ARHGEF3: variants seen among roughly 807,000 people sequenced by gnomAD.
ARHGEF3 encodes the protein 59.8 kDA protein.
Under a neutral mutation model 63.2 loss-of-function variants are expected in ARHGEF3, and 28 were observed. That is an observed-to-expected ratio of 0.44 (90% CI 0.33 to 0.61). ARHGEF3 has a LOEUF of 0.61. Ranked by LOEUF, ARHGEF3 falls within the 20% of genes least tolerant of loss-of-function variation. The pLI, the probability that ARHGEF3 is intolerant of heterozygous loss-of-function variation, is 0.03. For missense variants in ARHGEF3, 533 were observed against 659.3 expected (o/e 0.81, Z 2.10); for synonymous variants, 266 against 254.2 (o/e 1.05, Z -0.44).
At chr3:56,913,328 T>C (rs529020335) in intron 3 of ARHGEF3, among the ~76,000 whole-genome samples, 1 of 152,192 alleles carries the variant, frequency 6.6e-6, no homozygotes, top group East Asian at 1.9e-4. Context: ...GCAACCCAAT[T>C]CGAAAGTGAG....
intron 1 of ARHGEF3, among the ~76,000 whole-genome samples, chr3:56,799,018 AATAG>A (rs1223422931): frequency 6.6e-6 from 1 of 152,248 alleles, no homozygotes; most frequent in Non-Finnish European, 1.5e-5. Context: ...AAAAGCTTAA[AATAG>A]ATCTTTTAAA....
chr3:56,821,507 A>G (rs1013352028), intron 4 of ARHGEF3, among the ~76,000 whole-genome samples: 7 of 152,200 alleles, frequency 4.6e-5, no homozygotes, highest in Non-Finnish European at 1.0e-4. Flanking sequence ...AAAAATTATC[A>G]TTTTTGGTTG....
In ARHGEF3 at chr3:56,824,003, A is replaced by C. The variant is rs867119706; in HGVS notation, c.193-50187T>G. ...GAGGAAAGGAAAAAAAAAAAAAAAA[A>C]AACAGAACGAGCCAGATGGACGAGA... On this transcript the variant is annotated intron_variant, in intron 4 of 12. Transcript: ENST00000338458. 6.9e-3 allele frequency among the ~76,000 whole-genome samples: 1,008 copies of C among 146,924 alleles called. 6 individuals are homozygous for C. The highest frequency in any genetic ancestry group is 0.021 in the Middle Eastern group (6 of 282).
At chr3:56,944,654 G>A (rs1699382890) in intron 3 of ARHGEF3, among the ~76,000 whole-genome samples, 1 of 143,376 alleles carries the variant, frequency 7.0e-6, no homozygotes, top group Non-Finnish European at 1.5e-5. Context: ...TCAGGGCACT[G>A]CAACCTCTGC....
In ARHGEF3 at chr3:57,011,610, A is replaced by G. The variant is rs137988567; in HGVS notation, c.62+23478T>C. Among the ~76,000 whole-genome samples the G allele has an allele frequency of 8.5e-5, 13 of 152,278 alleles. No homozygotes were observed. In the East Asian group the frequency reaches 2.1e-3, roughly 25 times the overall value. The stretch of plus-strand genomic sequence containing the variant: ...AAGAATTCTCCAACCCAAGGATTCA[A>G]TAGTGTCAAGGTTGAGAAATCCTAA... On this transcript the variant is annotated intron_variant, in intron 2 of 12. Coordinates refer to the ARHGEF3 transcript ENST00000338458.
intron 4 of ARHGEF3, among the ~76,000 whole-genome samples, chr3:56,822,803 G>A (rs570998751): frequency 1.3e-5 from 2 of 150,112 alleles, no homozygotes; most frequent in African/African-American, 2.5e-5. Flanking sequence ...GCAGTGAGCC[G>A]AGGTCATGCC....
At chr3:56,904,933 C>A (rs1196600621) in intron 3 of ARHGEF3, among the ~76,000 whole-genome samples, 1 of 152,230 alleles carries the variant, frequency 6.6e-6, no homozygotes, top group Non-Finnish European at 1.5e-5. Flanking sequence ...CCTCTCCCAT[C>A]TAGCTAGTCA....
chr3:56,774,123 G>A (rs2036162690), intron 1 of ARHGEF3, among the ~76,000 whole-genome samples: 1 of 152,124 alleles, frequency 6.6e-6, no homozygotes, highest in African/African-American at 2.4e-5. Flanking sequence ...CCACTTAGTA[G>A]AACCAGTCTC....
At chr3:56,817,749 A>ATAGCCATGCCAGAACTTACT (rs2038325245) in intron 4 of ARHGEF3, among the ~76,000 whole-genome samples, 1 of 152,210 alleles carries the variant, frequency 6.6e-6, no homozygotes, top group African/African-American at 2.4e-5. Flanking sequence ...CAGCTACTAA[A>ATAGCCATGCCAGAACTTACT]TAGCCATGCC....
chr3:57,027,119 A>T (rs1703510274), intron 2 of ARHGEF3, among the ~76,000 whole-genome samples: 1 of 152,342 alleles, frequency 6.6e-6, no homozygotes, highest in South Asian at 2.1e-4. Flanking sequence ...CGTGCTAGAC[A>T]TTGGCCAGAT....
At chr3:56,955,194 T>C (rs200004043) in intron 3 of ARHGEF3, among the ~76,000 whole-genome samples, 1 of 148,086 alleles carries the variant, frequency 6.8e-6, no homozygotes, top group African/African-American at 2.5e-5. Context: ...TTTTTTTTTT[T>C]TCTTTTCTTT....
chr3:57,072,090 G>A (rs1464645091), intron 1 of ARHGEF3, among the ~76,000 whole-genome samples: 1 of 151,942 alleles, frequency 6.6e-6, no homozygotes, highest in African/African-American at 2.4e-5. Flanking sequence ...TACCCACTTA[G>A]GATGGCAATA....
intron 3 of ARHGEF3, among the ~76,000 whole-genome samples, chr3:56,906,981 T>A (rs1290395019): frequency 6.9e-6 from 1 of 144,976 alleles, no homozygotes; most frequent in Admixed American, 6.8e-5. Flanking sequence ...TTCTATTTTT[T>A]TTTTTTTTTT....
chr3:56,818,918 C>T (rs1020458470), intron 4 of ARHGEF3, among the ~76,000 whole-genome samples: 8 of 151,954 alleles, frequency 5.3e-5, no homozygotes, highest in African/African-American at 1.2e-4. Context: ...AAGAAGGTAA[C>T]GAAAAAAACT....
chr3:56,862,116 A>G (rs1432471639), intron 4 of ARHGEF3, among the ~76,000 whole-genome samples: 1 of 128,240 alleles, frequency 7.8e-6, no homozygotes, highest in East Asian at 2.5e-4. Context: ...CTCCCCACCC[A>G]CCCACCTTTT....
intron 2 of ARHGEF3, among the ~76,000 whole-genome samples, chr3:57,004,971 A>AATATATAT (rs142618755): frequency 9.5e-4 from 141 of 148,126 alleles, no homozygotes; most frequent in African/African-American, 3.4e-3. Flanking sequence ...AAAATAAATA[A>AATATATAT]ATATATATAT....
chr3:56,975,710 A>G (rs546579126), intron 2 of ARHGEF3: 13 of 368,822 alleles, frequency 3.5e-5, no homozygotes, highest in South Asian at 2.7e-4. Flanking sequence ...TGTTAAAACC[A>G]TTGCAGAAGC....
chr3:56,994,073 A>AAAAAAAAAAAAAAAAAAAAAAAAAAAAG (rs1701879024), intron 2 of ARHGEF3, among the ~76,000 whole-genome samples: 1 of 96,860 alleles, frequency 1.0e-5, no homozygotes, highest in Non-Finnish European at 2.3e-5. Flanking sequence ...TCAAAAAAAA[A>AAAAAAAAAAAAAAAAAAAAAAAAAAAAG]AAAAAAAAAA....
chr3:56,948,925 C>A (rs1309278708), intron 3 of ARHGEF3, among the ~76,000 whole-genome samples: 1 of 152,016 alleles, frequency 6.6e-6, no homozygotes, highest in Admixed American at 6.6e-5. Context: ...AAAAGCTTAT[C>A]CACCATGATC....
Sources: allele counts gnomAD v4.1 joint callset (sites outside exome capture counted in the v4.1 genomes callset), GRCh38; gene constraint gnomAD v4.1.1; transcripts MANE v1.5; gene names NCBI Gene and HGNC (gene_info 2026-07-23, HGNC 2026-07-21).